NINJ2: variants seen among roughly 807,000 people sequenced by gnomAD.
NINJ2 encodes ninjurin 2.
Under a neutral mutation model 11.7 loss-of-function variants are expected in NINJ2, and 12 were observed. That is an observed-to-expected ratio of 1.02 (90% CI 0.66 to 1.66). The LOEUF (loss-of-function observed/expected upper bound fraction) is 1.66. Among genes scored for constraint, NINJ2 ranks in the 40% most tolerant of loss-of-function variants. The pLI is 0.00. For synonymous variants in NINJ2, 93 were observed against 76.8 expected, an observed-to-expected ratio of 1.21 and a Z score of -1.10; for missense variants, 187 against 181.8, an observed-to-expected ratio of 1.03 and a Z score of -0.16.
At chr12:662,823 T>C (rs1306844793) in intron 1 of NINJ2, among the ~76,000 whole-genome samples, 1 of 152,198 alleles carries the variant, frequency 6.6e-6, no homozygotes, top group African/African-American at 2.4e-5. Flanking sequence ...CCTTGCACTG[T>C]CCAAATGAGA....
At chr12:597,577 C>G (rs1345797780) in intron 1 of NINJ2, among the ~76,000 whole-genome samples, 3 of 152,226 alleles carry the variant, frequency 2.0e-5, no homozygotes, top group Non-Finnish European at 4.4e-5. Flanking sequence ...ATTCATGTTA[C>G]ATAAAACCAA....
intron 1 of NINJ2, among the ~76,000 whole-genome samples, chr12:639,432 A>G (rs1007028005): frequency 3.9e-5 from 6 of 152,194 alleles, no homozygotes; most frequent in South Asian, 4.1e-4. Flanking sequence ...TCAAGCCTGG[A>G]CAGTCTAGCT....
At chr12:577,430 C>CATATATATATGTGTATAT (rs372597339) in intron 1 of NINJ2, among the ~76,000 whole-genome samples, 109 of 93,384 alleles carry the variant, frequency 1.2e-3, no homozygotes, top group South Asian at 1.7e-3. Flanking sequence ...TATATATATA[C>CATATATATATGTGTATAT]ATATATATAT....
intron 1 of NINJ2, among the ~76,000 whole-genome samples, chr12:570,774 C>T (rs1947365061): frequency 6.6e-6 from 1 of 152,246 alleles, no homozygotes. Context: ...TCTGCCCACT[C>T]CCCGCCCCTT....
At chr12:587,930 C>T (rs150875768) in intron 1 of NINJ2, among the ~76,000 whole-genome samples, 19 of 152,262 alleles carry the variant, frequency 1.2e-4, no homozygotes, top group African/African-American at 4.3e-4. Flanking sequence ...GGGTAGGAGC[C>T]GTAGTATGAG....
At chr12:610,372 T>C in intron 1 of NINJ2, 1 of 1,535,552 alleles carries the variant, frequency 6.5e-7, no homozygotes, top group Middle Eastern at 1.7e-4. Flanking sequence ...CAGATCCCAT[T>C]TGCTGACTTG....
At chr12:572,262 C>T (rs1000450525) in intron 1 of NINJ2, among the ~76,000 whole-genome samples, 2 of 152,206 alleles carry the variant, frequency 1.3e-5, no homozygotes, top group East Asian at 1.9e-4. Context: ...TCCCATGAGT[C>T]GTTCCTGCCA....
intron 1 of NINJ2, among the ~76,000 whole-genome samples, chr12:635,516 T>G (rs1194129671): frequency 5.3e-5 from 8 of 152,218 alleles, no homozygotes; most frequent in Admixed American, 3.3e-4. Flanking sequence ...CTGGAAAAAC[T>G]GGATAGTCCC....
intron 1 of NINJ2, among the ~76,000 whole-genome samples, chr12:648,988 A>ATCTATCTG (rs897223347): frequency 6.7e-6 from 1 of 149,932 alleles, no homozygotes; most frequent in East Asian, 2.1e-4. Context: ...CTATCTATCT[A>ATCTATCTG]TCTATCTGTC....
chr12:652,048 A>G (rs532974377), intron 1 of NINJ2, among the ~76,000 whole-genome samples: 1 of 152,330 alleles, frequency 6.6e-6, no homozygotes, highest in South Asian at 2.1e-4. Context: ...ATGACTGAGC[A>G]TTTCTCTCAA....
At chr12:605,564 TA>T (rs1485692383) in intron 1 of NINJ2, among the ~76,000 whole-genome samples, 1 of 152,026 alleles carries the variant, frequency 6.6e-6, no homozygotes, top group East Asian at 1.9e-4. Flanking sequence ...AAATAAAAAA[TA>T]AAAGAGATGA....
At chr12:612,868 C>T (rs1430976563) in intron 1 of NINJ2, among the ~76,000 whole-genome samples, 1 of 152,178 alleles carries the variant, frequency 6.6e-6, no homozygotes, top group African/African-American at 2.4e-5. Context: ...TCACTGCAAT[C>T]ATAGAAGGTC....
chr12:565,863 T>C (rs1199515456), intron 2 of NINJ2, 87 bp downstream of exon 2: 1 of 1,158,128 alleles, frequency 8.6e-7, no homozygotes, highest in Non-Finnish European at 1.3e-6. Flanking sequence ...CCTGTGCCAA[T>C]GCAGGGTGGC....
At chr12:643,353 G>T in intron 1 of NINJ2, 1 of 796,236 alleles carries the variant, frequency 1.3e-6, no homozygotes, top group African/African-American at 1.9e-5. Context: ...GGGAGGGGAG[G>T]GTGGCGTTCC....
intron 1 of NINJ2, among the ~76,000 whole-genome samples, chr12:577,438 T>TATATAA (rs1555161807): frequency 1.1e-4 from 16 of 141,032 alleles, no homozygotes; most frequent in African/African-American, 4.2e-4. Context: ...TACATATATA[T>TATATAA]ATATAAATAT....
intron 1 of NINJ2, among the ~76,000 whole-genome samples, chr12:629,870 A>G (rs1411556581): frequency 7.8e-6 from 1 of 128,400 alleles, no homozygotes; most frequent in African/African-American, 2.9e-5. Flanking sequence ...CTCGGCGACA[A>G]GAGCAAAACT....
At chr12:649,339 G>A (rs1392811359) in intron 1 of NINJ2, among the ~76,000 whole-genome samples, 4 of 151,970 alleles carry the variant, frequency 2.6e-5, no homozygotes, top group Non-Finnish European at 4.4e-5. Context: ...GAGCCACCGC[G>A]CCCAGCTGGG....
chr12:617,578 C>T lies in NINJ2; in HGVS notation c.33+45750G>A, dbSNP rs151189810. 1.0e-3 allele frequency among the ~76,000 whole-genome samples: 153 copies of T among 152,344 alleles called. 2 individuals carry two copies. Among genetic ancestry groups the T allele is most frequent in the African/African-American group, 3.6e-3 (150 of 41,590 alleles). On this transcript the variant is annotated intron_variant, in intron 1 of 3. Coordinates refer to ENST00000305108, the MANE Select transcript of NINJ2 (RefSeq NM_016533.6). The stretch of plus-strand genomic sequence containing the variant: ...CTCTGAAGCTCCTGGGGATAAAAGG[C>T]TCAGGCTGCTGTGCTTCTTCTCACA...
At chr12:621,817 GA>G (rs544238368) in intron 1 of NINJ2, among the ~76,000 whole-genome samples, 38 of 126,678 alleles carry the variant, frequency 3.0e-4, no homozygotes, top group East Asian at 9.6e-4. Flanking sequence ...CTCCGTCTCA[GA>G]AAAAAAAAAA....
Sources: allele counts gnomAD v4.1 joint callset (sites outside exome capture counted in the v4.1 genomes callset), GRCh38; gene constraint gnomAD v4.1.1; transcripts MANE v1.5; gene names NCBI Gene and HGNC (gene_info 2026-07-23, HGNC 2026-07-21).